Variants in ZNF385B observed in about 807,000 individuals in gnomAD.
ZNF385B encodes zinc finger protein 533.
A neutral mutation model predicts 39.2 loss-of-function variants in ZNF385B; 23 were observed. The ratio of observed to expected loss-of-function variants is 0.59; its 90% confidence interval spans 0.42 to 0.83. The LOEUF (loss-of-function observed/expected upper bound fraction) is 0.83. ZNF385B is among the 40% of genes least tolerant of loss of function. The probability of loss-of-function intolerance (pLI) is 0.00; values close to 1 mark genes in which losing one functional copy is unlikely to be tolerated. For missense variants in ZNF385B, 552 were observed against 598.9 expected (o/e 0.92, Z 0.82); for synonymous variants, 205 against 222.6 (o/e 0.92, Z 0.70).
intron 4 of ZNF385B, among the ~76,000 whole-genome samples, chr2:179,539,462 A>G (rs1309576307): frequency 6.6e-6 from 1 of 152,172 alleles, no homozygotes; most frequent in Non-Finnish European, 1.5e-5. Flanking sequence ...TGTCTTATAA[A>G]TGTACTTACT....
rs1276296612 is a variant in ZNF385B, at chr2:179,483,496, C to G, written c.553-62G>C. The stretch of plus-strand genomic sequence containing the variant: ...AATTACAAACACCACAGTGGATGAT[C>G]ATGCAGGAGAAAAATACATTCTATC... On this transcript the variant is annotated intron_variant, in intron 5 of 9. Coordinates refer to ENST00000410066, the MANE Select transcript of ZNF385B (RefSeq NM_152520.6). The G allele has an allele frequency of 2.5e-6, 4 of 1,600,378 alleles. No homozygotes were observed. The South Asian group carries it at 3.3e-5, about 13-fold the overall frequency.
chr2:179,638,052 C>T (rs1032044873), intron 3 of ZNF385B, among the ~76,000 whole-genome samples: 4 of 152,104 alleles, frequency 2.6e-5, no homozygotes, highest in Non-Finnish European at 2.9e-5. Context: ...AAATCAACAA[C>T]GTTGGAAAAA....
chr2:179,839,758 AC>A (rs1370262398), intron 1 of ZNF385B, among the ~76,000 whole-genome samples: 1 of 152,156 alleles, frequency 6.6e-6, no homozygotes, highest in Non-Finnish European at 1.5e-5. Flanking sequence ...GTGTTTTACC[AC>A]CCCTACGCCC....
At chr2:179,559,656 C>T (rs1336662199) in intron 3 of ZNF385B, among the ~76,000 whole-genome samples, 1 of 151,592 alleles carries the variant, frequency 6.6e-6, no homozygotes, top group African/African-American at 2.4e-5. Context: ...TTTTTAATAT[C>T]ATATAAAATT....
At chr2:179,776,045 G>C (rs1381770464) in intron 1 of ZNF385B, among the ~76,000 whole-genome samples, 1 of 152,218 alleles carries the variant, frequency 6.6e-6, no homozygotes, top group African/African-American at 2.4e-5. Context: ...ACCTCTGAAA[G>C]AACAGCCTGG....
At chr2:179,642,907 ATC>A (rs1692394762) in intron 3 of ZNF385B, among the ~76,000 whole-genome samples, 3 of 152,168 alleles carry the variant, frequency 2.0e-5, no homozygotes. Context: ...TGCACTAAGT[ATC>A]TCTGCTGTGT....
intron 1 of ZNF385B, among the ~76,000 whole-genome samples, chr2:179,771,444 C>T (rs1448989146): frequency 6.6e-5 from 10 of 152,336 alleles, no homozygotes; most frequent in Middle Eastern, 6.8e-3. Context: ...CCTTTTAATA[C>T]TTTAACCTGA....
At chr2:179,767,050 A>G (rs1703741040) in intron 3 of ZNF385B, among the ~76,000 whole-genome samples, 1 of 152,178 alleles carries the variant, frequency 6.6e-6, no homozygotes, top group Non-Finnish European at 1.5e-5. Context: ...ATTGAGGCAT[A>G]TGAGAACAGA....
chr2:179,774,035 TG>T (rs1704164998), intron 1 of ZNF385B, among the ~76,000 whole-genome samples: 2 of 151,916 alleles, frequency 1.3e-5, no homozygotes, highest in Non-Finnish European at 2.9e-5. Context: ...TTGTGGTCTG[TG>T]GTACATGTGA....
intron 3 of ZNF385B, among the ~76,000 whole-genome samples, chr2:179,694,706 G>T (rs183958260): frequency 6.6e-6 from 1 of 152,164 alleles, no homozygotes; most frequent in Non-Finnish European, 1.5e-5. Flanking sequence ...AAGGTAGGCA[G>T]ATCATTTGAG....
At chr2:179,630,570 A>G (rs556022818) in intron 3 of ZNF385B, among the ~76,000 whole-genome samples, 4 of 152,364 alleles carry the variant, frequency 2.6e-5, no homozygotes, top group Non-Finnish European at 5.9e-5. Context: ...GGGAGAAACC[A>G]GAGCAGAAAA....
chr2:179,782,662 T>C (rs1345164743), intron 1 of ZNF385B, among the ~76,000 whole-genome samples: 3 of 152,132 alleles, frequency 2.0e-5, no homozygotes, highest in Admixed American at 2.0e-4. Flanking sequence ...TGTACAAAAA[T>C]CACTAGCATT....
intron 3 of ZNF385B, among the ~76,000 whole-genome samples, chr2:179,579,025 C>G (rs1460218032): frequency 6.6e-6 from 1 of 152,010 alleles, no homozygotes; most frequent in Admixed American, 6.6e-5. Flanking sequence ...GTTACTTTAT[C>G]CTGACATACA....
Position 179,504,695 on chromosome 2 carries a change from T to A in ZNF385B, c.552+13833A>T, listed in dbSNP as rs373352738. Among the ~76,000 whole-genome samples the A allele has an allele frequency of 2.1e-3, 321 of 151,792 alleles. 1 individual carries two copies. The highest frequency in any genetic ancestry group is 6.8e-3 in the African/African-American group (282 of 41,288). On this transcript the variant is annotated intron_variant, in intron 5 of 9. Coordinates refer to ENST00000410066, the MANE Select transcript of ZNF385B (RefSeq NM_152520.6). Reference sequence around the variant, plus strand: ...AGGGGGGAGGGATAGCATTAGGAGATATACCTAATGTTAAATGACAAGTTA... The same window carrying A: ...AGGGGGGAGGGATAGCATTAGGAGAAATACCTAATGTTAAATGACAAGTTA...
chr2:179,637,311 G>A (rs1379345230), intron 3 of ZNF385B: 1 of 152,140 alleles, frequency 6.6e-6, no homozygotes. Flanking sequence ...AGGACCAGCA[G>A]CAGCAACTGA....
At chr2:179,590,944 TG>T (rs1203326397) in intron 3 of ZNF385B, among the ~76,000 whole-genome samples, 1 of 152,162 alleles carries the variant, frequency 6.6e-6, no homozygotes, top group African/African-American at 2.4e-5. Flanking sequence ...TATAGCAGTA[TG>T]AAAATGAACT....
At chr2:179,642,391 C>A (rs1475428792) in intron 3 of ZNF385B, among the ~76,000 whole-genome samples, 1 of 152,176 alleles carries the variant, frequency 6.6e-6, no homozygotes, top group Non-Finnish European at 1.5e-5. Context: ...CTAACTCATA[C>A]ACCTGAAGAC....
intron 5 of ZNF385B, among the ~76,000 whole-genome samples, chr2:179,512,157 G>A: frequency 6.6e-6 from 1 of 151,946 alleles, no homozygotes; most frequent in East Asian, 1.9e-4. Flanking sequence ...AGATCACCAT[G>A]CTTTCATTTT....
At chr2:179,476,025 A>G (rs1194760696) in intron 6 of ZNF385B, among the ~76,000 whole-genome samples, 10 of 150,572 alleles carry the variant, frequency 6.6e-5, no homozygotes, top group Admixed American at 5.9e-4. Context: ...TCAAAAAAAA[A>G]AAAAAAAAAA....
Sources: allele counts gnomAD v4.1 joint callset (sites outside exome capture counted in the v4.1 genomes callset), GRCh38; gene constraint gnomAD v4.1.1; transcripts MANE v1.5; gene names NCBI Gene and HGNC (gene_info 2026-07-23, HGNC 2026-07-21).